Variants in MAP3K7 observed in about 807,000 individuals in gnomAD.
MAP3K7 encodes mitogen-activated protein kinase kinase kinase 7, also known as TGF-beta activated kinase 1.
A neutral mutation model predicts 84.8 loss-of-function variants in MAP3K7; 21 were observed. The ratio of observed to expected loss-of-function variants is 0.25; its 90% CI spans 0.18 to 0.36. The LOEUF (loss-of-function observed/expected upper bound fraction) is 0.36, where lower values mean the gene tolerates loss of function less well. MAP3K7 is among the 10% of genes least tolerant of loss of function. The pLI, the probability that MAP3K7 is intolerant of heterozygous loss-of-function variation, is 1.00. For synonymous variants in MAP3K7, 241 were observed against 247.7 expected (o/e 0.97, Z 0.25); for missense variants, 503 against 747.7 (o/e 0.67, Z 3.82).
At chr6:90,566,602 A>G (rs1189874250) in intron 3 of MAP3K7, among the ~76,000 whole-genome samples, 2 of 152,234 alleles carry the variant, frequency 1.3e-5, no homozygotes, top group Admixed American at 6.5e-5. Context: ...GCTCATGGAT[A>G]GGAAGAATCA....
chr6:90,518,293 TA>T (rs993667939), intron 16 of MAP3K7, among the ~76,000 whole-genome samples, 153 bp downstream of exon 16: 5 of 151,790 alleles, frequency 3.3e-5, no homozygotes, highest in African/African-American at 1.2e-4. Flanking sequence ...GAGTTTTGCA[TA>T]AAAAATTTTT....
chr6:90,562,042 T>C (rs1051683674), intron 3 of MAP3K7, among the ~76,000 whole-genome samples: 1 of 152,226 alleles, frequency 6.6e-6, no homozygotes, highest in African/African-American at 2.4e-5. Flanking sequence ...ACAAGTCAAA[T>C]GAACAAACTA....
Position 90,586,851 on chromosome 6 carries a change from G to A in MAP3K7, c.33C>T (p.Ser11=), listed in dbSNP as rs760655014. 5.4e-6 allele frequency: 8 copies of A among 1,492,260 alleles called. No individual in the cohort carries two copies. The highest frequency in any genetic ancestry group is 7.2e-6 in the Non-Finnish European group (8 of 1,104,192). 92.4% of individuals were successfully genotyped at this position (1,492,260 alleles called of 1,614,324 possible). The part of the protein sequence containing the change: MSTASAASSS[S]SSSAGEMIEA... ...CGATCATCTCACCGGCCGAAGACGA[G>A]GAGGAGGAGGAGGCGGCAGAGGCTG... Residue 11 remains serine (S), a synonymous_variant, in exon 1 of 17, where the codon TCC becomes TCT. Transcript: ENST00000369329.
chr6:90,580,987 TTTC>T (rs1453188542), intron 1 of MAP3K7, among the ~76,000 whole-genome samples: 1 of 152,224 alleles, frequency 6.6e-6, no homozygotes, highest in Non-Finnish European at 1.5e-5. Context: ...TTAAATTTAA[TTTC>T]TTAATAAAAA....
At chr6:90,569,344 A>T (rs542643627) in intron 2 of MAP3K7, among the ~76,000 whole-genome samples, 36 of 152,140 alleles carry the variant, frequency 2.4e-4, no homozygotes, top group Non-Finnish European at 4.4e-4. Context: ...CCCAACCTGA[A>T]CTGCTGCAGT....
chr6:90,523,724 T>C lies in MAP3K7; in HGVS notation c.1416A>G (p.Ser472=). ...VRMITTSGPT[S]EKPTRSHPWT... is the part of the protein sequence containing the mutation. ...ATGGATGACTTCGAGTTGGCTTTTC[T>C]GAGGTTGGTCCTGAGGTAGTAATCA... Residue 472 remains serine, a synonymous_variant, in exon 14 of 17, where the codon TCA becomes TCG. Transcript: ENST00000369329. The C allele has an allele frequency of 6.2e-7, 1 of 1,613,510 alleles. No homozygotes were observed.
intron 3 of MAP3K7, among the ~76,000 whole-genome samples, chr6:90,566,503 A>G (rs979210912): frequency 2.6e-5 from 4 of 152,194 alleles, no homozygotes; most frequent in African/African-American, 9.6e-5. Context: ...TCCAACTTAC[A>G]AGGGATGTGA....
At chr6:90,540,541 C>A (rs1357299892) in intron 12 of MAP3K7, among the ~76,000 whole-genome samples, 2 of 151,890 alleles carry the variant, frequency 1.3e-5, no homozygotes, top group African/African-American at 4.8e-5. Flanking sequence ...CCATGTACAA[C>A]AAATTTTATA....
chr6:90,530,086 T>C (rs1775458590), intron 13 of MAP3K7, among the ~76,000 whole-genome samples: 1 of 152,228 alleles, frequency 6.6e-6, no homozygotes, highest in African/African-American at 2.4e-5. Context: ...CCTGAGTCTT[T>C]TTAACTTTCT....
At chr6:90,571,902 T>A in intron 1 of MAP3K7, 95 bp from the exon 2 acceptor site, 2 of 521,930 alleles carry the variant, frequency 3.8e-6, no homozygotes, top group Non-Finnish European at 3.2e-6. Context: ...AGTCAATCTT[T>A]AAGACTTTAA....
intron 7 of MAP3K7, 111 bp downstream of exon 7, chr6:90,553,347 T>G (rs1050788201): frequency 1.0e-5 from 11 of 1,090,550 alleles, no homozygotes; most frequent in Non-Finnish European, 1.3e-5. Context: ...AACAAAGAAT[T>G]GTACATTTTA....
At chr6:90,546,867 G>A (rs1776017362) in intron 11 of MAP3K7, among the ~76,000 whole-genome samples, 1 of 152,060 alleles carries the variant, frequency 6.6e-6, no homozygotes, top group Non-Finnish European at 1.5e-5. Context: ...TGTTAAATTT[G>A]AAACAAAATA....
intron 7 of MAP3K7, among the ~76,000 whole-genome samples, 197 bp downstream of exon 7, chr6:90,553,261 G>T (rs1458953381): frequency 6.6e-6 from 1 of 152,110 alleles, no homozygotes; most frequent in Non-Finnish European, 1.5e-5. Flanking sequence ...TGTAGACCAG[G>T]ACTACTCTCA....
intron 2 of MAP3K7, among the ~76,000 whole-genome samples, chr6:90,568,849 T>G (rs1179750392): frequency 6.6e-6 from 1 of 152,120 alleles, no homozygotes. Context: ...GCTGGAGAGA[T>G]AGACATCTAA....
At chr6:90,539,776 A>G (rs1009789379) in intron 12 of MAP3K7, among the ~76,000 whole-genome samples, 1 of 151,836 alleles carries the variant, frequency 6.6e-6, no homozygotes, top group Admixed American at 6.6e-5. Context: ...CCACCTAGAT[A>G]ATTTATTTGC....
chr6:90,534,556 C>G (rs1447406703), intron 13 of MAP3K7, among the ~76,000 whole-genome samples: 4 of 152,124 alleles, frequency 2.6e-5, no homozygotes, highest in Non-Finnish European at 5.9e-5. Flanking sequence ...GACAATTCCA[C>G]AAATGACTGT....
intron 12 of MAP3K7, among the ~76,000 whole-genome samples, chr6:90,538,195 A>C (rs567157827): frequency 1.3e-5 from 2 of 152,054 alleles, no homozygotes; most frequent in Admixed American, 1.3e-4. Flanking sequence ...GTTCAGACAA[A>C]GCAAAACAGG....
intron 16 of MAP3K7, among the ~76,000 whole-genome samples, chr6:90,517,647 G>A (rs557920102): frequency 3.9e-4 from 59 of 151,794 alleles, no homozygotes; most frequent in Admixed American, 7.9e-4. Context: ...TCCTATTTAG[G>A]CTTACCTTTC....
intron 1 of MAP3K7, 83 bp from the exon 2 acceptor site, chr6:90,571,890 A>G (rs1776916621): frequency 1.6e-6 from 1 of 616,034 alleles, no homozygotes; most frequent in African/African-American, 2.0e-5. Context: ...ATAAAAAACT[A>G]AAGTCAATCT....
Sources: gnomAD v4.1 joint callset for allele counts (sites outside exome capture counted in the v4.1 genomes callset) on GRCh38, gnomAD v4.1.1 for gene constraint, MANE v1.5 for transcripts, NCBI Gene and HGNC (gene_info 2026-07-23, HGNC 2026-07-21) for gene names.